The following ZNF79 variants were observed in gnomAD, a reference collection of about 807,000 sequenced individuals.
The protein encoded by ZNF79 is zinc finger protein 79, also known as ZNFpT7.
In ZNF79, 13 loss-of-function variants were observed where a neutral mutation model predicts 14.9. The ratio of observed to expected loss-of-function variants is 0.87; its 90% confidence interval spans 0.57 to 1.38. ZNF79 has a LOEUF of 1.38. Among genes scored for constraint, ZNF79 ranks in the 40% most tolerant of loss-of-function variants. The pLI is 0.00. For synonymous variants in ZNF79, 223 were observed against 235.1 expected, an observed-to-expected ratio of 0.95 and a Z score of 0.47; for missense variants, 631 against 630.6, an observed-to-expected ratio of 1.00 and a Z score of -0.01.
At position 127,424,714 on chromosome 9, in the gene ZNF79, G is replaced by A. The variant is rs1366043728; in HGVS notation, c.-74G>A. On this transcript the variant is annotated 5_prime_UTR_variant, in exon 1 of 5. Transcript: ENST00000342483. ...GCCGTCAGAGCAGCCCTGCAGAACG[G>A]GGTGGGGGCTGCTGTAGATAGACCC... 1 of 1,608,906 alleles carries A rather than the reference G, an allele frequency of 6.2e-7. No homozygotes were observed. Among genetic ancestry groups the A allele is most frequent in the Non-Finnish European group, 8.5e-7 (1 of 1,177,482 alleles).
At chr9:127,438,763 CAG>C (rs944893044) in intron 4 of ZNF79, among the ~76,000 whole-genome samples, 3 of 152,056 alleles carry the variant, frequency 2.0e-5, no homozygotes, top group African/African-American at 7.2e-5. Flanking sequence ...AGGGGGAGGT[CAG>C]AGAGAGAGAT....
intron 4 of ZNF79, among the ~76,000 whole-genome samples, chr9:127,436,813 TG>T (rs2131954733): frequency 6.6e-6 from 1 of 152,210 alleles, no homozygotes; most frequent in African/African-American, 2.4e-5. Flanking sequence ...TCCCAGCACT[TG>T]GGGAGGCCGA....
intron 1 of ZNF79, among the ~76,000 whole-genome samples, chr9:127,426,422 T>C (rs1015334969): frequency 2.0e-5 from 3 of 150,582 alleles, no homozygotes; most frequent in African/African-American, 7.3e-5. Flanking sequence ...TTGCCCAGGC[T>C]GGAGTGCGAT....
At chr9:127,427,488 C>T (rs1012554033) in intron 1 of ZNF79, among the ~76,000 whole-genome samples, 3 of 150,304 alleles carry the variant, frequency 2.0e-5, no homozygotes, top group East Asian at 1.9e-4. Context: ...TTTCGGCCTC[C>T]CAAAGTGCTG....
chr9:127,431,279 C>CA (rs1833854993), intron 2 of ZNF79, among the ~76,000 whole-genome samples: 1 of 147,360 alleles, frequency 6.8e-6, no homozygotes, highest in Admixed American at 6.8e-5. Context: ...TTTTTAGAGA[C>CA]AGAGTCTCAC....
chr9:127,434,192 G>A (rs1196732371), intron 2 of ZNF79, among the ~76,000 whole-genome samples: 2 of 151,494 alleles, frequency 1.3e-5, no homozygotes, highest in Non-Finnish European at 2.9e-5. Flanking sequence ...TGCTCCATCC[G>A]CGAACCTTCT....
intron 4 of ZNF79, 59 bp downstream of exon 4, chr9:127,436,062 C>T (rs762423061): frequency 6.4e-6 from 9 of 1,416,298 alleles, no homozygotes; most frequent in African/African-American, 1.4e-5. Flanking sequence ...CTTTAAATCA[C>T]GCATGAGTGT....
At position 127,424,712 on chromosome 9, in the gene ZNF79, CG is replaced by C. The variant is rs2131937744; in HGVS notation, c.-72del. The C allele has an allele frequency of 1.2e-6, 2 of 1,607,272 alleles. No individual in the cohort carries two copies. Among genetic ancestry groups the C allele is most frequent in the Non-Finnish European group, 1.7e-6 (2 of 1,176,312 alleles). On this transcript the variant is annotated 5_prime_UTR_variant, in exon 1 of 5. Transcript: ENST00000342483. ...GAGCCGTCAGAGCAGCCCTGCAGAA[CG>C]GGGTGGGGGCTGCTGTAGATAGACC...
chr9:127,442,266 T>TGGCG (rs1272306055), intron 4 of ZNF79, among the ~76,000 whole-genome samples: 1 of 151,426 alleles, frequency 6.6e-6, no homozygotes, highest in African/African-American at 2.4e-5. Flanking sequence ...CCAGGCATGG[T>TGGCG]GGCGGGCACC....
chr9:127,440,775 A>G (rs758342178), intron 4 of ZNF79, among the ~76,000 whole-genome samples: 2 of 152,150 alleles, frequency 1.3e-5, no homozygotes, highest in Non-Finnish European at 2.9e-5. Flanking sequence ...GGGTCAGGAC[A>G]TATTTTGGTG....
At chr9:127,442,865 CTGTGTGTG>C (rs112600999) in intron 4 of ZNF79, among the ~76,000 whole-genome samples, 6 of 149,390 alleles carry the variant, frequency 4.0e-5, no homozygotes, top group Admixed American at 2.7e-4. Context: ...GTCTCAAAAT[CTGTGTGTG>C]TGTGTGTGTG....
chr9:127,425,654 G>A (rs1272543408), intron 1 of ZNF79, among the ~76,000 whole-genome samples: 3 of 152,110 alleles, frequency 2.0e-5, no homozygotes, highest in East Asian at 1.9e-4. Context: ...GTGCAGTGGC[G>A]CAATCTCAGC....
At position 127,445,091 on chromosome 9, in the gene ZNF79, AGAGAATCCACACAGGCGTGAAACCCTAC is replaced by A. The variant is rs878983037; in HGVS notation, c.1394_1421del (p.Arg465AsnfsTer27). The stretch of plus-strand genomic sequence containing the variant: ...CAGAGCTCATCCCTTAGTCAGCATC[AGAGAATCCACACAGGCGTGAAACCCTAC>A]GAATGCAGCGAGTGTGGGAAGGCCT... On this transcript the variant is annotated frameshift_variant, in exon 5 of 5. Coordinates refer to ENST00000342483, the MANE Select transcript of ZNF79 (RefSeq NM_007135.3). LOFTEE classifies it high-confidence loss of function. The A allele has an allele frequency of 2.5e-6, 4 of 1,614,074 alleles. No homozygotes were observed. In the South Asian group the frequency reaches 4.4e-5, roughly 18 times the overall value.
chr9:127,443,123 G>C (rs1394460241), intron 4 of ZNF79, among the ~76,000 whole-genome samples: 1 of 152,176 alleles, frequency 6.6e-6, no homozygotes, highest in East Asian at 1.9e-4. Flanking sequence ...AGTGGAAGGA[G>C]TACAGTGTAA....
At chr9:127,429,047 C>A (rs1331474728) in intron 2 of ZNF79, 127 bp downstream of exon 2, 3 of 617,360 alleles carry the variant, frequency 4.9e-6, no homozygotes, top group Non-Finnish European at 5.1e-6. Context: ...CTGAGTCTCA[C>A]TCTGTCGCCC....
At chr9:127,442,892 TTTTTTAC>T (rs1196824419) in intron 4 of ZNF79, among the ~76,000 whole-genome samples, 1 of 152,216 alleles carries the variant, frequency 6.6e-6, no homozygotes, top group Non-Finnish European at 1.5e-5. Context: ...TGTGGCACTA[TTTTTTAC>T]TTTTTAAACT....
At chr9:127,435,433 C>T (rs557639966) in intron 3 of ZNF79, among the ~76,000 whole-genome samples, 5 of 152,318 alleles carry the variant, frequency 3.3e-5, no homozygotes, top group East Asian at 3.9e-4. Flanking sequence ...TCTCTCATTT[C>T]GCAGGAGGGG....
rs1226122910 is a variant in ZNF79, at chr9:127,445,313, T to G, written c.*116T>G. ...ATCTGAAGACATCTAACTTAGAGTC[T>G]GCAGCCCAGAGCCACATGCAAAACA... On this transcript the variant is annotated 3_prime_UTR_variant, in exon 5 of 5. Transcript: ENST00000342483. The G allele has an allele frequency of 8.7e-7, 1 of 1,155,488 alleles. No individual in the cohort carries two copies. Among genetic ancestry groups the G allele is most frequent in the Non-Finnish European group, 1.2e-6 (1 of 822,070 alleles). 71.6% of individuals were successfully genotyped at this position (1,155,488 alleles called of 1,614,324 possible).
At chr9:127,437,091 A>G (rs6478777) in intron 4 of ZNF79, among the ~76,000 whole-genome samples, 90,293 of 149,710 alleles carry the variant, frequency 0.6, 27,558 homozygotes, top group African/African-American at 0.63. Flanking sequence ...AGAAGATGCA[A>G]CCTGTCTGTT....
Sources: allele counts gnomAD v4.1 joint callset (sites outside exome capture counted in the v4.1 genomes callset), GRCh38; gene constraint gnomAD v4.1.1; transcripts MANE v1.5; gene names NCBI Gene and HGNC (gene_info 2026-07-23, HGNC 2026-07-21).